Variants in GPC3 observed in about 807,000 individuals in gnomAD.
GPC3 encodes glypican 3, also known as glypican-3.
Under a neutral mutation model 34.4 loss-of-function variants are expected in GPC3, and 3 were observed. That is an observed-to-expected ratio of 0.09 (90% CI 0.04 to 0.23). GPC3 has a LOEUF of 0.23. Among genes scored for constraint, GPC3 ranks in the 10% least tolerant of loss-of-function variants. GPC3 has a pLI of 1.00. For missense variants in GPC3, 351 were observed against 445.6 expected, an observed-to-expected ratio of 0.79 and a Z score of 1.91; for synonymous variants, 177 against 174.0, an observed-to-expected ratio of 1.02 and a Z score of -0.13.
intron 3 of GPC3, among the ~76,000 whole-genome samples, chrX:133,700,337 C>T (rs1029675455): frequency 9.0e-6 from 1 of 111,406 alleles, no homozygotes; most frequent in African/African-American, 3.3e-5. Context: ...GCTATTGATA[C>T]CTTTCAATGG....
intron 2 of GPC3, among the ~76,000 whole-genome samples, chrX:133,796,071 G>C (rs1039269797): frequency 4.7e-5 from 5 of 105,808 alleles, no homozygotes; most frequent in African/African-American, 1.7e-4. Flanking sequence ...TCAGCCTGCC[G>C]AGTAGCTGGG....
intron 7 of GPC3, among the ~76,000 whole-genome samples, chrX:133,582,921 G>A (rs928614848): frequency 9.0e-6 from 1 of 111,131 alleles, no homozygotes; most frequent in African/African-American, 3.3e-5. Context: ...TTCTAACATG[G>A]GGCAGGACGG....
chrX:133,893,468 G>T (rs2076097321), intron 2 of GPC3, among the ~76,000 whole-genome samples: 1 of 110,323 alleles, frequency 9.1e-6, no homozygotes, highest in Non-Finnish European at 1.9e-5. Flanking sequence ...ATTATCGTTA[G>T]AATTTAACTT....
intron 2 of GPC3, among the ~76,000 whole-genome samples, chrX:133,906,951 A>T (rs1017168002): frequency 2.7e-5 from 3 of 110,124 alleles, no homozygotes; most frequent in African/African-American, 9.9e-5. Flanking sequence ...ATACAAAAAA[A>T]TTAGCTGGGC....
chrX:133,705,042 T>G (rs2071201898), intron 3 of GPC3, among the ~76,000 whole-genome samples: 1 of 111,553 alleles, frequency 9.0e-6, no homozygotes, highest in South Asian at 3.8e-4. Flanking sequence ...AAAGAGAGCC[T>G]GTATCAAAAG....
chrX:133,611,407 C>T (rs1361989543), intron 6 of GPC3, among the ~76,000 whole-genome samples: 1 of 111,839 alleles, frequency 8.9e-6, no homozygotes, highest in Non-Finnish European at 1.9e-5. Context: ...GGCTTGGTTC[C>T]TACACTCAAA....
At chrX:133,780,712 C>T (rs988365583) in intron 2 of GPC3, among the ~76,000 whole-genome samples, 1 of 111,905 alleles carries the variant, frequency 8.9e-6, no homozygotes, top group African/African-American at 3.2e-5. Flanking sequence ...ATGAAGCAGG[C>T]TCTATTGCTA....
At chrX:133,810,332 T>C (rs2075657867) in intron 2 of GPC3, among the ~76,000 whole-genome samples, 2 of 112,181 alleles carry the variant, frequency 1.8e-5, no homozygotes, top group African/African-American at 6.5e-5. Context: ...TAATATCTAA[T>C]TGGCTTGGGT....
chrX:133,839,927 C>CAA (rs138981758), intron 2 of GPC3, among the ~76,000 whole-genome samples: 1,247 of 50,011 alleles, frequency 0.025, 22 homozygotes, highest in Non-Finnish European at 0.037. Context: ...GACTCCGTTT[C>CAA]AAAAAAAAAA....
intron 2 of GPC3, among the ~76,000 whole-genome samples, chrX:133,923,163 C>T (rs931267401): frequency 9.0e-6 from 1 of 111,683 alleles, no homozygotes; most frequent in African/African-American, 3.3e-5. Flanking sequence ...GCATCCCAAG[C>T]GACTGTTTGT....
Position 133,541,795 on chromosome X carries a change from C to T in GPC3, c.1574-5502G>A, listed in dbSNP as rs140387192. 4.9e-3 allele frequency among the ~76,000 whole-genome samples: 546 copies of T among 111,776 alleles called. 4 individuals are homozygous for T. Among genetic ancestry groups the T allele is most frequent in the African/African-American group, 0.017 (524 of 30,822 alleles). ...GTCCCTAGGAGGCTGGTCTTAAATT[C>T]CTGGCCTCAAGTGATCCTGTGCATC... On this transcript the variant is annotated intron_variant, in intron 7 of 7. Transcript: ENST00000370818.
At chrX:133,854,619 G>A (rs187659580) in intron 2 of GPC3, among the ~76,000 whole-genome samples, 2 of 112,041 alleles carry the variant, frequency 1.8e-5, no homozygotes, top group Admixed American at 9.5e-5. Flanking sequence ...TAGAAGTTGT[G>A]CATTCAGTAT....
chrX:133,670,932 T>C (rs770204135), intron 5 of GPC3: 17 of 403,614 alleles, frequency 4.2e-5, no homozygotes, highest in Non-Finnish European at 5.6e-5. Flanking sequence ...AATAAAAATG[T>C]CTTTCTCCTC....
chrX:133,788,738 G>T (rs545414353), intron 2 of GPC3, among the ~76,000 whole-genome samples: 3 of 57,662 alleles, frequency 5.2e-5, no homozygotes, highest in Admixed American at 2.5e-4. Context: ...CTCCTCCTAT[G>T]CCCTCCTCCT....
chrX:133,843,853 CAA>C (rs766029780), intron 2 of GPC3, among the ~76,000 whole-genome samples: 3 of 112,322 alleles, frequency 2.7e-5, no homozygotes, highest in East Asian at 5.6e-4. Flanking sequence ...ATTTCTTCCA[CAA>C]AGTCATTTTT....
intron 5 of GPC3, among the ~76,000 whole-genome samples, chrX:133,680,065 C>A (rs1317705840): frequency 9.0e-6 from 1 of 111,668 alleles, no homozygotes; most frequent in African/African-American, 3.3e-5. Context: ...TGCCAGCAAG[C>A]CTTAACCCAG....
chrX:133,723,256 T>A (rs929318710), intron 3 of GPC3, among the ~76,000 whole-genome samples: 2 of 111,407 alleles, frequency 1.8e-5, no homozygotes, highest in Non-Finnish European at 3.8e-5. Context: ...AGAGACTGTG[T>A]GACTAGTTAG....
chrX:133,858,942 A>G (rs1483623232), intron 2 of GPC3, among the ~76,000 whole-genome samples: 1 of 109,272 alleles, frequency 9.2e-6, no homozygotes, highest in East Asian at 2.9e-4. Context: ...TTAGCCGGGC[A>G]TGGTGGCAGC....
rs185466655 is a variant in GPC3 at position 133,594,300 on chromosome X, G to T, written c.1573+2140C>A. Among the ~76,000 whole-genome samples the T allele has an allele frequency of 1.7e-4, 19 of 111,341 alleles. No individual in the cohort carries two copies. The East Asian group carries it at 3.4e-3, about 20-fold the overall frequency. Reference sequence around the variant, plus strand: ...TGTGACACATCACGCTGGGGGTGGTGGTGGTGAAGTCAGAAATGATTAATA... The same window carrying T: ...TGTGACACATCACGCTGGGGGTGGTTGTGGTGAAGTCAGAAATGATTAATA... On this transcript the variant is annotated intron_variant, in intron 7 of 7. Coordinates refer to ENST00000370818, the MANE Select transcript of GPC3 (RefSeq NM_004484.4).
Sources: gnomAD v4.1 joint callset for allele counts (sites outside exome capture counted in the v4.1 genomes callset) on GRCh38, gnomAD v4.1.1 for gene constraint, MANE v1.5 for transcripts, NCBI Gene and HGNC (gene_info 2026-07-23, HGNC 2026-07-21) for gene names.